The following PKP2 variants were observed in gnomAD, a reference collection of about 807,000 sequenced individuals.
PKP2 encodes plakophilin-2.
A neutral mutation model predicts 83.4 loss-of-function variants in PKP2; 73 were observed. The ratio of observed to expected loss-of-function variants is 0.88; its 90% CI spans 0.72 to 1.06. The LOEUF (loss-of-function observed/expected upper bound fraction) is 1.06, where lower values mean the gene tolerates loss of function less well. Among genes scored for constraint, PKP2 ranks in the 50% least tolerant of loss-of-function variants. The pLI is 0.00. For missense variants in PKP2, 966 were observed against 1,065.4 expected (o/e 0.91, Z 1.30); for synonymous variants, 409 against 430.4 (o/e 0.95, Z 0.62).
chr12:32,858,132 A>ATT (rs1555146139), intron 4 of PKP2, among the ~76,000 whole-genome samples: 2 of 98,334 alleles, frequency 2.0e-5, no homozygotes, highest in African/African-American at 8.5e-5. Flanking sequence ...TATATTTTAT[A>ATT]TTTATATATA....
At chr12:32,852,567 A>G (rs778535247) in intron 4 of PKP2, among the ~76,000 whole-genome samples, 1 of 152,194 alleles carries the variant, frequency 6.6e-6, no homozygotes, top group Non-Finnish European at 1.5e-5. Flanking sequence ...GCGTCAGTAT[A>G]ATGTTAGGAG....
At chr12:32,840,284 A>G (rs1158907837) in intron 6 of PKP2, among the ~76,000 whole-genome samples, 4 of 152,006 alleles carry the variant, frequency 2.6e-5, no homozygotes, top group Non-Finnish European at 5.9e-5. Context: ...TCCACTAAAC[A>G]TTTCTTACGG....
chr12:32,803,187 T>C (rs1956198103), intron 9 of PKP2, among the ~76,000 whole-genome samples: 1 of 151,920 alleles, frequency 6.6e-6, no homozygotes, highest in African/African-American at 2.4e-5. Context: ...CTGGCCAACA[T>C]GGTGAAACCC....
chr12:32,872,257 C>T (rs1406206457), intron 3 of PKP2, among the ~76,000 whole-genome samples: 2 of 151,988 alleles, frequency 1.3e-5, no homozygotes, highest in East Asian at 1.9e-4. Context: ...CTTGGCCGGG[C>T]GGTGGTGGCT....
At chr12:32,868,872 C>T in intron 4 of PKP2, 55 bp downstream of exon 4, 21 of 1,571,578 alleles carry the variant, frequency 1.3e-5, no homozygotes, top group Non-Finnish European at 1.7e-5. Flanking sequence ...GCAAAGTCAC[C>T]ATAATAGAAG....
intron 6 of PKP2, among the ~76,000 whole-genome samples, chr12:32,829,044 A>G (rs1005741593): frequency 6.6e-6 from 1 of 151,904 alleles, no homozygotes; most frequent in African/African-American, 2.4e-5. Context: ...CAAGCAGTGC[A>G]CCTATCTCAG....
chr12:32,809,104 G>A (rs531305162), intron 9 of PKP2, among the ~76,000 whole-genome samples: 5 of 152,296 alleles, frequency 3.3e-5, no homozygotes, highest in African/African-American at 1.2e-4. Context: ...ACTCTCTAGA[G>A]TAGGCAAGCT....
rs542801273 is a variant in PKP2 at position 32,836,873 on chromosome 12, G to A, written c.1556+4155C>T. On this transcript the variant is annotated intron_variant, in intron 6 of 12. Transcript: ENST00000340811. The stretch of plus-strand genomic sequence containing the variant: ...TCTATGTCCTGGAAATCAATGCTAC[G>A]TGACTGCAGGTTCCATGGAGTTCTT... Among the ~76,000 whole-genome samples the A allele has an allele frequency of 4.6e-5, 7 of 152,244 alleles. No individual in the cohort carries two copies. In the South Asian group the frequency reaches 1.2e-3, roughly 27 times the overall value.
chr12:32,881,786 ACCGTGTCTGG>A (rs1214178662), intron 1 of PKP2, among the ~76,000 whole-genome samples: 1 of 152,132 alleles, frequency 6.6e-6, no homozygotes, highest in Non-Finnish European at 1.5e-5. Flanking sequence ...TCTGTGAGCC[ACCGTGTCTGG>A]CCTCATATTA....
intron 4 of PKP2, among the ~76,000 whole-genome samples, chr12:32,860,732 T>A (rs964760611): frequency 1.3e-5 from 2 of 152,120 alleles, no homozygotes; most frequent in South Asian, 4.1e-4. Context: ...AAATTTTTTT[T>A]AAAAAGTAGA....
chr12:32,822,746 C>T, intron 7 of PKP2, 115 bp from the exon 8 acceptor site: 2 of 1,154,122 alleles, frequency 1.7e-6, no homozygotes, highest in Non-Finnish European at 2.6e-6. Context: ...ACTGGGTGTG[C>T]TTAAACTGCG....
chr12:32,841,499 C>G (rs1270261237), intron 5 of PKP2, among the ~76,000 whole-genome samples: 2 of 152,194 alleles, frequency 1.3e-5, no homozygotes, highest in Non-Finnish European at 2.9e-5. Flanking sequence ...ATTGCTGTTT[C>G]TCCTAAAGGG....
chr12:32,885,576 C>T lies in PKP2; in HGVS notation c.224-6544G>A, dbSNP rs144752350. ...CCTGTAATTCCAGCTACTTGGGGGC[C>T]GGGCTTGAACCCAGGAGGCAGAGGT... is the stretch of plus-strand genomic sequence containing the variant. On this transcript the variant is annotated intron_variant, in intron 1 of 12. Transcript: ENST00000340811. Among the ~76,000 whole-genome samples the T allele has an allele frequency of 5.3e-4, 80 of 151,884 alleles. 1 individual carries two copies. The highest frequency in any genetic ancestry group is 1.8e-3 in the African/African-American group (76 of 41,412).
At chr12:32,858,078 AAAAAAAATATAT>A (rs1445524412) in intron 4 of PKP2, among the ~76,000 whole-genome samples, 16 of 62,242 alleles carry the variant, frequency 2.6e-4, no homozygotes, top group South Asian at 1.5e-3. Context: ...AAAAAAAAAA[AAAAAAAATATAT>A]ATATATATAT....
intron 9 of PKP2, 112 bp from the exon 10 acceptor site, chr12:32,802,668 AT>A: frequency 1.0e-6 from 1 of 969,064 alleles, no homozygotes; most frequent in Non-Finnish European, 1.6e-6. Flanking sequence ...TATCTTATTT[AT>A]TTATTTTGAG....
In PKP2 at chr12:32,842,894, C is replaced by T. The variant is rs754534909; in HGVS notation, c.1379-1689G>A. On this transcript the variant is annotated intron_variant, in intron 5 of 12. Coordinates refer to ENST00000340811, the MANE Select transcript of PKP2 (RefSeq NM_001005242.3). The stretch of plus-strand genomic sequence containing the variant: ...TTCACCATGTTGGCCAGGCTGGTCT[C>T]GAACCCTTGACCTGGTGATCCGCCC... 1.3e-4 allele frequency among the ~76,000 whole-genome samples: 19 copies of T among 151,912 alleles called. 1 individual carries two copies. The highest frequency in any genetic ancestry group is 4.1e-4 in the African/African-American group (17 of 41,426).
At chr12:32,872,985 C>A (rs1352045290) in intron 3 of PKP2, among the ~76,000 whole-genome samples, 1 of 152,024 alleles carries the variant, frequency 6.6e-6, no homozygotes, top group Non-Finnish European at 1.5e-5. Flanking sequence ...TCAATATGAT[C>A]TGTTTTCTGC....
intron 9 of PKP2, 200 bp downstream of exon 9, chr12:32,821,156 T>C (rs1159693093): frequency 8.5e-6 from 5 of 587,160 alleles, no homozygotes; most frequent in Non-Finnish European, 1.5e-5. Context: ...ACTGAAAGAG[T>C]ACTGACTTGA....
chr12:32,880,165 G>A (rs1312517764), intron 1 of PKP2, among the ~76,000 whole-genome samples: 5 of 151,620 alleles, frequency 3.3e-5, no homozygotes, highest in African/African-American at 1.2e-4. Flanking sequence ...CACTTTGGGA[G>A]GCCGAGGTGG....
Sources: allele counts gnomAD v4.1 joint callset (sites outside exome capture counted in the v4.1 genomes callset), GRCh38; gene constraint gnomAD v4.1.1; transcripts MANE v1.5; gene names NCBI Gene and HGNC (gene_info 2026-07-23, HGNC 2026-07-21).